Variants in SYT14 observed in about 807,000 individuals in gnomAD.
SYT14 encodes the protein synaptotagmin 14.
Under a neutral mutation model 74.2 loss-of-function variants are expected in SYT14, and 32 were observed. That is an observed-to-expected ratio of 0.43 (90% CI 0.33 to 0.58). The LOEUF (loss-of-function observed/expected upper bound fraction) is 0.58, where lower values mean the gene tolerates loss of function less well. Ranked by LOEUF, SYT14 falls within the 20% of genes least tolerant of loss-of-function variation. The pLI is 0.05. For missense variants in SYT14, 791 were observed against 981.8 expected (o/e 0.81, Z 2.60); for synonymous variants, 298 against 337.7 (o/e 0.88, Z 1.29).
chr1:210,163,593 A>G (rs1047094010), exon 10 of SYT14: 12 of 453,330 alleles, frequency 2.6e-5, no homozygotes, highest in African/African-American at 8.0e-5. Flanking sequence ...TTTCTCCTCT[A>G]TGTATTTACT....
At chr1:210,011,612 G>C (rs548495436) in intron 2 of SYT14, among the ~76,000 whole-genome samples, 62 of 151,928 alleles carry the variant, frequency 4.1e-4, no homozygotes, top group Non-Finnish European at 7.9e-4. Context: ...TTCTATACCT[G>C]GTATACCTAG....
Position 210,118,768 on chromosome 1 carries a change from G to A in SYT14, c.2034+18307G>A, listed in dbSNP as rs977925533. Among the ~76,000 whole-genome samples, 21 of 152,112 alleles carry A rather than the reference G, an allele frequency of 1.4e-4. 1 individual carries two copies. Among genetic ancestry groups the A allele is most frequent in the Admixed American group, 8.5e-4 (13 of 15,260 alleles). ...TATAATAATAATAGTTGTATCCACT[G>A]TGTTTCTTGTTTATTATCTTACCAT... On this transcript the variant is annotated intron_variant, in intron 7 of 9. Coordinates refer to ENST00000637265, the Ensembl canonical transcript of SYT14.
At chr1:209,966,177 G>T (rs1330958973) in intron 2 of SYT14, among the ~76,000 whole-genome samples, 2 of 152,058 alleles carry the variant, frequency 1.3e-5, no homozygotes, top group African/African-American at 4.8e-5. Context: ...TTCTATTTTT[G>T]AACTTTATCC....
intron 2 of SYT14, among the ~76,000 whole-genome samples, chr1:210,011,230 T>A (rs1311158136): frequency 6.6e-6 from 1 of 152,222 alleles, no homozygotes; most frequent in Non-Finnish European, 1.5e-5. Flanking sequence ...CTGTCCTGCT[T>A]CTGATTTTCC....
chr1:210,022,238 G>A (rs918507084), intron 5 of SYT14, among the ~76,000 whole-genome samples: 2 of 152,146 alleles, frequency 1.3e-5, no homozygotes, highest in Non-Finnish European at 2.9e-5. Context: ...ACCTATTGCT[G>A]TATTTGGCTT....
In SYT14 at chr1:210,058,175, C is replaced by T. The variant is rs12027386; in HGVS notation, c.1313-36147C>T. Among the ~76,000 whole-genome samples, 30 of 152,220 alleles carry T rather than the reference C, an allele frequency of 2.0e-4. No homozygotes were observed. In the East Asian group the frequency reaches 5.6e-3, roughly 28 times the overall value. ...CTATCTAAAATCTTGAGCTAACAGC[C>T]ATTGACATTCTGGGTCAGAGACTTC... On this transcript the variant is annotated intron_variant, in intron 5 of 9. Coordinates refer to ENST00000637265, the Ensembl canonical transcript of SYT14.
At chr1:210,113,721 A>G (rs1254283053) in intron 7 of SYT14, among the ~76,000 whole-genome samples, 1 of 150,932 alleles carries the variant, frequency 6.6e-6, no homozygotes, top group African/African-American at 2.5e-5. Context: ...AAAGGGTGGC[A>G]ATGAGGTGTG....
chr1:210,041,336 G>C (rs1467861205), intron 5 of SYT14, among the ~76,000 whole-genome samples: 2 of 152,260 alleles, frequency 1.3e-5, no homozygotes, highest in South Asian at 2.1e-4. Context: ...GCACCAAACA[G>C]CCTGAAAGAA....
chr1:210,048,577 G>A (rs1476017171), intron 5 of SYT14, among the ~76,000 whole-genome samples: 1 of 152,190 alleles, frequency 6.6e-6, no homozygotes, highest in Non-Finnish European at 1.5e-5. Context: ...CTCCCATCGA[G>A]TGCCTCCCAT....
intron 2 of SYT14, among the ~76,000 whole-genome samples, chr1:209,974,731 T>C (rs539105233): frequency 6.6e-6 from 1 of 152,272 alleles, no homozygotes; most frequent in South Asian, 2.1e-4. Flanking sequence ...TAAAGTAGTT[T>C]TTTCCAATTC....
intron 9 of SYT14, among the ~76,000 whole-genome samples, chr1:210,159,762 A>T (rs1479276485): frequency 2.6e-5 from 4 of 152,154 alleles, no homozygotes; most frequent in African/African-American, 9.7e-5. Context: ...CCTGATAAAT[A>T]TTGCAATTTT....
At chr1:210,074,203 C>T (rs1050701892) in intron 5 of SYT14, among the ~76,000 whole-genome samples, 4 of 152,200 alleles carry the variant, frequency 2.6e-5, no homozygotes, top group Admixed American at 6.5e-5. Flanking sequence ...CTAAATTTAC[C>T]GACACTATGA....
chr1:209,956,004 CATAATT>C lies in SYT14; in HGVS notation c.-486+3252_-486+3257del, dbSNP rs1213645741. On this transcript the variant is annotated intron_variant, in intron 2 of 9. Coordinates refer to ENST00000637265, the Ensembl canonical transcript of SYT14. ...TGTTTGCAGTAAAGCCATATTATAT[CATAATT>C]ATATTTCCTTTTTTATATAGTTTTC... is the stretch of plus-strand genomic sequence containing the variant. Among the ~76,000 whole-genome samples, 4 of 152,188 alleles carry C rather than the reference CATAATT, an allele frequency of 2.6e-5. No homozygotes were observed. In the East Asian group the frequency reaches 5.8e-4, roughly 22 times the overall value.
intron 7 of SYT14, among the ~76,000 whole-genome samples, chr1:210,126,712 A>G (rs562663005): frequency 6.6e-5 from 10 of 152,346 alleles, no homozygotes; most frequent in Admixed American, 6.5e-4. Flanking sequence ...CGGTACTGGT[A>G]TGCTGCTGAA....
intron 5 of SYT14, among the ~76,000 whole-genome samples, chr1:210,087,207 C>T (rs111237028): frequency 3.9e-5 from 6 of 152,278 alleles, no homozygotes; most frequent in African/African-American, 9.6e-5. Context: ...CACCCCACTT[C>T]GCCACACTCC....
chr1:210,059,615 A>T (rs1018412696), intron 5 of SYT14, among the ~76,000 whole-genome samples: 1 of 151,950 alleles, frequency 6.6e-6, no homozygotes, highest in African/African-American at 2.4e-5. Context: ...TTTTCTTCCC[A>T]GGGTGTGAAT....
At chr1:210,016,431 T>C (rs1007712177) in exon 4 of SYT14, 10 of 1,231,972 alleles carry the variant, frequency 8.1e-6, no homozygotes, top group Non-Finnish European at 9.1e-6. Context: ...GATTCTTCTT[T>C]GAAAGGCTAC....
At chr1:209,943,981 G>GT (rs34779183) in intron 1 of SYT14, among the ~76,000 whole-genome samples, 5,191 of 152,180 alleles carry the variant, frequency 0.034, 612 homozygotes, top group Admixed American at 0.23. Flanking sequence ...GTTATTAGGA[G>GT]TTTATGAACA....
chr1:210,155,892 G>T, exon 8 of SYT14: 1 of 1,614,026 alleles, frequency 6.2e-7, no homozygotes, highest in South Asian at 1.1e-5. Context: ...CAAAAATTTG[G>T]CAGCAAACAG....
Sources: gnomAD v4.1 joint callset for allele counts (sites outside exome capture counted in the v4.1 genomes callset) on GRCh38, gnomAD v4.1.1 for gene constraint, MANE v1.5 for transcripts, NCBI Gene and HGNC (gene_info 2026-07-23, HGNC 2026-07-21) for gene names.